IGFL2: variants seen among roughly 807,000 people sequenced by gnomAD.
The protein encoded by IGFL2 is insulin growth factor-like family member 2.
Under a neutral mutation model 13.9 loss-of-function variants are expected in IGFL2, and 7 were observed. The observed-to-expected ratio is 0.51, with a 90% confidence interval of 0.29 to 0.95. IGFL2 has a LOEUF of 0.95. Ranked by LOEUF, IGFL2 falls within the 40% of genes least tolerant of loss-of-function variation. The pLI is 0.08. For missense variants in IGFL2, 138 were observed against 147.8 expected (o/e 0.93, Z 0.34); for synonymous variants, 55 against 55.8 (o/e 0.99, Z 0.07).
chr19:46,163,121 G>C (rs1255921087), downstream of IGFL2, among the ~76,000 whole-genome samples: 1 of 152,148 alleles, frequency 6.6e-6, no homozygotes, highest in Non-Finnish European at 1.5e-5. Flanking sequence ...TGGCACTTAG[G>C]CTTATTGGTC....
the IGFL2 span, among the ~76,000 whole-genome samples, chr19:46,089,090 A>AT: frequency 2.0e-5 from 3 of 151,806 alleles, no homozygotes; most frequent in African/African-American, 7.3e-5. Context: ...TGGTTAAGTG[A>AT]TTCTCTCTAG....
chr19:46,104,357 G>A, the IGFL2 span, among the ~76,000 whole-genome samples: 10 of 152,314 alleles, frequency 6.6e-5, no homozygotes, highest in East Asian at 5.8e-4. Context: ...CCATTAGTCC[G>A]TTCTACCTTT....
chr19:46,149,099 C>A, intron 1 of IGFL2: 2 of 1,299,158 alleles, frequency 1.5e-6, no homozygotes, highest in Non-Finnish European at 2.2e-6. Flanking sequence ...TCAAGATGAG[C>A]AATGCCTGCT....
the IGFL2 span, among the ~76,000 whole-genome samples, chr19:46,167,427 G>T: frequency 1.3e-5 from 2 of 152,168 alleles, no homozygotes; most frequent in Admixed American, 1.3e-4. Context: ...ACCTTTGCCC[G>T]TATCTGATGG....
At chr19:46,110,950 A>AT in the IGFL2 span, 3 of 152,080 alleles carry the variant, frequency 2.0e-5, no homozygotes, top group Admixed American at 1.3e-4. Flanking sequence ...GAGCTTTGTT[A>AT]TTTTTTTAAA....
At chr19:46,113,273 C>T in the IGFL2 span, 1 of 231,082 alleles carries the variant, frequency 4.3e-6, no homozygotes, top group African/African-American at 2.3e-5. Context: ...ACTATCACTC[C>T]TCCAGACAGG....
At chr19:46,176,702 G>C in the IGFL2 span, among the ~76,000 whole-genome samples, 1 of 152,094 alleles carries the variant, frequency 6.6e-6, no homozygotes, top group Non-Finnish European at 1.5e-5. Context: ...GGGGATCCTA[G>C]GGGCTGTCAT....
chr19:46,212,031 C>A, the IGFL2 span: 1 of 150,532 alleles, frequency 6.6e-6, no homozygotes, highest in African/African-American at 2.4e-5. Flanking sequence ...GGTTAGGGCA[C>A]ACTGTCCCAT....
chr19:46,193,304 G>C, the IGFL2 span, among the ~76,000 whole-genome samples: 8 of 152,266 alleles, frequency 5.3e-5, no homozygotes, highest in South Asian at 6.2e-4. Flanking sequence ...TGCCCCGCTG[G>C]TGAGTCATCC....
At position 46,149,893 on chromosome 19, in the gene IGFL2, A is replaced by G. The variant is rs78279869; in HGVS notation, c.19+1596A>G. On this transcript the variant is annotated intron_variant, in intron 1 of 3. Transcript: ENST00000377693. ...GTTTTCAGTTATCTTGGGTGTACAC[A>G]TAGGAGTGGAATTGCTACGCCACAT... 4.2e-4 allele frequency among the ~76,000 whole-genome samples: 64 copies of G among 152,330 alleles called. 1 individual carries two copies. The East Asian group carries it at 0.012, about 28-fold the overall frequency.
chr19:46,121,086 G>A, the IGFL2 span, among the ~76,000 whole-genome samples: 1 of 150,460 alleles, frequency 6.6e-6, no homozygotes, highest in African/African-American at 2.5e-5. Context: ...CGCTTAGAAA[G>A]TTCCAGGCAC....
the IGFL2 span, among the ~76,000 whole-genome samples, chr19:46,104,117 A>G: frequency 2.6e-5 from 4 of 152,328 alleles, no homozygotes; most frequent in African/African-American, 9.6e-5. Context: ...GCAGCCTGGC[A>G]AATTTCCTGT....
At chr19:46,086,902 G>T in the IGFL2 span, among the ~76,000 whole-genome samples, 4 of 152,194 alleles carry the variant, frequency 2.6e-5, no homozygotes, top group African/African-American at 9.7e-5. Flanking sequence ...AACAGCATCA[G>T]TGGTGTCTTT....
At chr19:46,194,886 T>G in the IGFL2 span, among the ~76,000 whole-genome samples, 1 of 131,950 alleles carries the variant, frequency 7.6e-6, no homozygotes, top group Non-Finnish European at 1.6e-5. Flanking sequence ...TTTTTGGTAG[T>G]GTTTTTTGTT....
the IGFL2 span, chr19:46,197,343 G>T: frequency 6.1e-6 from 1 of 163,216 alleles, no homozygotes; most frequent in Non-Finnish European, 1.3e-5. Flanking sequence ...TGCCTGTTCT[G>T]CCCTGAGTAG....
At chr19:46,106,621 C>G in the IGFL2 span, among the ~76,000 whole-genome samples, 40 of 152,132 alleles carry the variant, frequency 2.6e-4, no homozygotes, top group Middle Eastern at 3.4e-3. Flanking sequence ...GGTGGATAGG[C>G]AAGACAATTT....
the IGFL2 span, among the ~76,000 whole-genome samples, chr19:46,121,394 G>GA: frequency 0.61 from 75,776 of 124,194 alleles, 22,938 homozygotes; most frequent in African/African-American, 0.73. Flanking sequence ...ATCCTGTCTT[G>GA]AAAAAAAAAA....
the IGFL2 span, among the ~76,000 whole-genome samples, chr19:46,198,791 A>T: frequency 4.3e-4 from 66 of 152,310 alleles, no homozygotes; most frequent in East Asian, 0.012. Context: ...AGAGGTGTTT[A>T]GGCTGGAGAG....
chr19:46,083,390 G>T, the IGFL2 span, among the ~76,000 whole-genome samples: 1 of 152,106 alleles, frequency 6.6e-6, no homozygotes, highest in Non-Finnish European at 1.5e-5. Context: ...GATTTAAAGG[G>T]GTGTGTATAA....
Sources: gnomAD v4.1 joint callset for allele counts (sites outside exome capture counted in the v4.1 genomes callset) on GRCh38, gnomAD v4.1.1 for gene constraint, MANE v1.5 for transcripts, NCBI Gene and HGNC (gene_info 2026-07-23, HGNC 2026-07-21) for gene names.